The following DPYSL5 variants were observed in gnomAD, a reference collection of about 807,000 sequenced individuals.
DPYSL5 encodes the protein dihydropyrimidinase like 5, also known as dihydropyrimidinase-related protein 5.
A neutral mutation model predicts 58.4 loss-of-function variants in DPYSL5; 9 were observed. The observed-to-expected ratio is 0.15, with a 90% CI of 0.09 to 0.27. The LOEUF (loss-of-function observed/expected upper bound fraction) is 0.27, where lower values mean the gene tolerates loss of function less well. Among genes scored for constraint, DPYSL5 ranks in the 10% least tolerant of loss-of-function variants. The pLI is 1.00. For missense variants in DPYSL5, 499 were observed against 770.6 expected, an observed-to-expected ratio of 0.65 and a Z score of 4.17; for synonymous variants, 293 against 301.9, an observed-to-expected ratio of 0.97 and a Z score of 0.31.
intron 1 of DPYSL5, among the ~76,000 whole-genome samples, chr2:26,895,969 G>A (rs569317303): frequency 2.6e-5 from 4 of 151,362 alleles, no homozygotes; most frequent in Admixed American, 2.0e-4. Flanking sequence ...TAGTAGAGAC[G>A]GGGTTTCACT....
At chr2:26,926,635 T>C (rs183576707) in intron 3 of DPYSL5, among the ~76,000 whole-genome samples, 115 of 152,372 alleles carry the variant, frequency 7.5e-4, no homozygotes, top group Non-Finnish European at 7.1e-4. Flanking sequence ...AGTAGCTATT[T>C]TGCATAGGTG....
intron 1 of DPYSL5, among the ~76,000 whole-genome samples, chr2:26,868,514 T>A (rs565898588): frequency 6.6e-6 from 1 of 152,206 alleles, no homozygotes; most frequent in Non-Finnish European, 1.5e-5. Context: ...TTTTGATATA[T>A]GCTGTAAGGT....
chr2:26,940,133 C>T lies in DPYSL5; in HGVS notation c.1050C>T (p.Gly350=), dbSNP rs772609424. ...CCAAGATCCCACATGGAGTGAGTGGCGTGCAGGACCGCATGAGCGTCATCT... is the reference window on the plus strand; with the variant it reads ...CCAAGATCCCACATGGAGTGAGTGGTGTGCAGGACCGCATGAGCGTCATCT... The part of the protein sequence containing the change: ...DFTKIPHGVS[G]VQDRMSVIWE... Residue 350 remains glycine, a synonymous_variant, in exon 9 of 13, where the codon GGC becomes GGT. Coordinates refer to ENST00000288699, the MANE Select transcript of DPYSL5 (RefSeq NM_020134.4). 1.8e-5 allele frequency: 29 copies of T among 1,614,034 alleles called. No homozygotes were observed. Among genetic ancestry groups the T allele is most frequent in the African/African-American group, 8.0e-5 (6 of 74,918 alleles).
intron 1 of DPYSL5, among the ~76,000 whole-genome samples, chr2:26,878,593 G>GT (rs1166065288): frequency 6.6e-6 from 1 of 151,956 alleles, no homozygotes; most frequent in African/African-American, 2.4e-5. Flanking sequence ...ATCCTTCTAT[G>GT]TTTTTTTCTA....
chr2:26,858,318 C>T (rs983322496), intron 1 of DPYSL5, among the ~76,000 whole-genome samples: 4 of 151,680 alleles, frequency 2.6e-5, no homozygotes, highest in African/African-American at 7.3e-5. Flanking sequence ...ACTACAGGCA[C>T]GCGCCACCAA....
At chr2:26,897,445 A>C (rs934709257) in intron 1 of DPYSL5, among the ~76,000 whole-genome samples, 30 of 152,202 alleles carry the variant, frequency 2.0e-4, no homozygotes, top group African/African-American at 6.8e-4. Context: ...TTAGTTTATA[A>C]AGATGGTGGA....
At chr2:26,859,915 C>T (rs112900565) in intron 1 of DPYSL5, among the ~76,000 whole-genome samples, 3 of 152,154 alleles carry the variant, frequency 2.0e-5, no homozygotes, top group African/African-American at 7.2e-5. Flanking sequence ...CCTCTCAGAC[C>T]TGCACCTATT....
At position 26,933,349 on chromosome 2, in the gene DPYSL5, T is replaced by C. The variant is rs1665085806; in HGVS notation, c.790+16T>C. 9 of 1,613,088 alleles carry C rather than the reference T, an allele frequency of 5.6e-6. No homozygotes were observed. In the Middle Eastern group the frequency reaches 1.5e-3, roughly 269 times the overall value. On this transcript the variant is annotated intron_variant, in intron 7 of 12. Coordinates refer to ENST00000288699, the MANE Select transcript of DPYSL5 (RefSeq NM_020134.4). This position sits in a 1 kb window ranked among gnomAD's most constrained non-coding sequence, Gnocchi z 4.2. ...AAGATGCAAGGTGAGTCCATAGACT[T>C]GGCTGGACAGAGCAGGTCAAGTGGA...
At chr2:26,923,635 G>A (rs1328299252) in intron 2 of DPYSL5, among the ~76,000 whole-genome samples, 1 of 152,146 alleles carries the variant, frequency 6.6e-6, no homozygotes, top group Non-Finnish European at 1.5e-5. Context: ...AGACTCTCAT[G>A]TTATGGGACT....
At chr2:26,931,423 C>A (rs1285313051) in intron 5 of DPYSL5, among the ~76,000 whole-genome samples, 1 of 151,552 alleles carries the variant, frequency 6.6e-6, no homozygotes. Flanking sequence ...TTTAATTAAG[C>A]CCCAAGTAGC....
chr2:26,940,956 T>G lies in DPYSL5; in HGVS notation c.1089+784T>G, dbSNP rs1367974164. On this transcript the variant is annotated intron_variant, in intron 9 of 12. Transcript: ENST00000288699. ...ATTATTATTTATTTTTTTTTGTGTG[T>G]GATAGAATCTCCCTCTGTTGCCCGG... 2.6e-5 allele frequency among the ~76,000 whole-genome samples: 3 copies of G among 113,410 alleles called. No homozygotes were observed. The East Asian group carries it at 7.5e-4, about 28-fold the overall frequency. 74.4% of individuals were successfully genotyped at this position (113,410 alleles called of 152,430 possible). A position where few individuals can be genotyped will look rare whatever the true frequency, so the allele number is the denominator to read the frequency against.
chr2:26,902,021 C>A (rs1211116289), intron 2 of DPYSL5, among the ~76,000 whole-genome samples: 1 of 150,820 alleles, frequency 6.6e-6, no homozygotes, highest in African/African-American at 2.4e-5. Flanking sequence ...CTCCTCCCTG[C>A]CCCAGGCAGC....
chr2:26,870,983 G>T (rs957003298), intron 1 of DPYSL5, among the ~76,000 whole-genome samples: 1 of 152,172 alleles, frequency 6.6e-6, no homozygotes, highest in Admixed American at 6.6e-5. Flanking sequence ...TTAAAATTCA[G>T]TTCCTCAGTC....
At chr2:26,918,025 T>C (rs529510549) in intron 2 of DPYSL5, among the ~76,000 whole-genome samples, 67 of 150,702 alleles carry the variant, frequency 4.4e-4, no homozygotes, top group African/African-American at 1.6e-3. Flanking sequence ...TAGTTCCAGC[T>C]ACTTGGGAGG....
chr2:26,882,111 A>AAAAAAAGAAAG (rs1308139468), intron 1 of DPYSL5, among the ~76,000 whole-genome samples: 9 of 149,080 alleles, frequency 6.0e-5, no homozygotes, highest in Non-Finnish European at 1.0e-4. Context: ...AAAAAAAAAA[A>AAAAAAAGAAAG]AGAAAGAAAG....
chr2:26,853,622 C>A (rs1162225496), intron 1 of DPYSL5, among the ~76,000 whole-genome samples: 1 of 152,014 alleles, frequency 6.6e-6, no homozygotes, highest in Non-Finnish European at 1.5e-5. Flanking sequence ...AAAACAAAAC[C>A]AATAGGATTG....
chr2:26,923,747 A>C (rs1203553748), intron 2 of DPYSL5, among the ~76,000 whole-genome samples: 1 of 151,756 alleles, frequency 6.6e-6, no homozygotes, highest in African/African-American at 2.4e-5. Flanking sequence ...TGCGACCTCC[A>C]CCTCCCAGGT....
At chr2:26,918,342 CT>C (rs1040478480) in intron 2 of DPYSL5, among the ~76,000 whole-genome samples, 1 of 152,166 alleles carries the variant, frequency 6.6e-6, no homozygotes, top group African/African-American at 2.4e-5. Context: ...TGCTTGGACC[CT>C]TTTTGGGGGT....
chr2:26,849,091 G>T lies in DPYSL5; in HGVS notation c.-5+837G>T, dbSNP rs1015321050. Among the ~76,000 whole-genome samples, 3 of 151,648 alleles carry T rather than the reference G, an allele frequency of 2.0e-5. No homozygotes were observed. The highest frequency in any genetic ancestry group is 7.3e-5 in the African/African-American group (3 of 41,246). ...CTGGGGAGCTGGGTTAGGACAGGTA[G>T]TGGGTCTCGGGGAGCAGGGAGTGGG... is the stretch of plus-strand genomic sequence containing the variant. On this transcript the variant is annotated intron_variant, in intron 1 of 12. Coordinates refer to ENST00000288699, the MANE Select transcript of DPYSL5 (RefSeq NM_020134.4). This position sits in a 1 kb window ranked among gnomAD's most constrained non-coding sequence, Gnocchi z 6.2.
Sources: allele counts gnomAD v4.1 joint callset (sites outside exome capture counted in the v4.1 genomes callset), GRCh38; gene constraint gnomAD v4.1.1; non-coding constraint Gnocchi (gnomAD v3.1); transcripts MANE v1.5; gene names NCBI Gene and HGNC (gene_info 2026-07-23, HGNC 2026-07-21).